COL5A1: variants seen among roughly 807,000 people sequenced by gnomAD.
COL5A1 encodes collagen type V alpha 1 chain.
A neutral mutation model predicts 263.7 loss-of-function variants in COL5A1; 16 were observed. That is an observed-to-expected ratio of 0.06 (90% CI 0.04 to 0.09). COL5A1 has a LOEUF of 0.09. COL5A1 is among the 10% of genes least tolerant of loss of function. The probability of loss-of-function intolerance (pLI) is 1.00; values close to 1 mark genes in which losing one functional copy is unlikely to be tolerated. For synonymous variants in COL5A1, 1,012 were observed against 1,004.5 expected (o/e 1.01, Z -0.14); for missense variants, 2,036 against 2,540.5 (o/e 0.80, Z 4.27).
At chr9:134,795,011 G>T in intron 32 of COL5A1, 71 bp from the exon 33 acceptor site, 1 of 1,541,256 alleles carries the variant, frequency 6.5e-7, no homozygotes, top group Non-Finnish European at 9.0e-7. Flanking sequence ...TCAATAACCC[G>T]GGAGACAGCT....
At chr9:134,666,942 A>G (rs1017262694) in intron 1 of COL5A1, among the ~76,000 whole-genome samples, 1 of 152,184 alleles carries the variant, frequency 6.6e-6, no homozygotes, top group Non-Finnish European at 1.5e-5. Flanking sequence ...CTCCTCGAGG[A>G]TGGGGATGAC....
chr9:134,662,132 A>G (rs1832224866), intron 1 of COL5A1, among the ~76,000 whole-genome samples: 1 of 144,704 alleles, frequency 6.9e-6, no homozygotes, highest in South Asian at 2.2e-4. Context: ...TGCCTGGTCA[A>G]TATCTTGGCC....
chr9:134,822,874 A>G (rs1201650773), intron 59 of COL5A1, 124 bp from the exon 60 acceptor site: 1 of 1,085,412 alleles, frequency 9.2e-7, no homozygotes, highest in Non-Finnish European at 1.4e-6. Flanking sequence ...ACAAGCATAG[A>G]CTCTTGAGGG....
chr9:134,724,819 G>T (rs1476431232), intron 4 of COL5A1, among the ~76,000 whole-genome samples: 2 of 152,150 alleles, frequency 1.3e-5, no homozygotes, highest in Non-Finnish European at 2.9e-5. Flanking sequence ...CTCGGCGGGG[G>T]AGGTGGTGCC....
intron 39 of COL5A1, among the ~76,000 whole-genome samples, 180 bp downstream of exon 39, chr9:134,803,175 G>A (rs928639586): frequency 6.6e-5 from 10 of 152,146 alleles, no homozygotes; most frequent in East Asian, 5.8e-4. Flanking sequence ...TCCAGGAGTC[G>A]CGCTGACCTG....
rs1340192327 is a variant in COL5A1, at chr9:134,794,236, G to C, written c.2701-846G>C. Among the ~76,000 whole-genome samples the C allele has an allele frequency of 6.6e-6, 1 of 151,900 alleles. No individual in the cohort carries two copies. Among genetic ancestry groups the C allele is most frequent in the Non-Finnish European group, 1.5e-5 (1 of 68,008 alleles). ...CTCAGGAGGCTGAGGCAGGAGAATC[G>C]CTTGAACCTGGGAGGCGGAGGTTGC... On this transcript the variant is annotated intron_variant, in intron 32 of 65. Coordinates refer to ENST00000371817, the MANE Select transcript of COL5A1 (RefSeq NM_000093.5). The surrounding 1 kb of genome is among the most constrained non-coding windows in gnomAD (Gnocchi z 4.3).
intron 59 of COL5A1, 82 bp downstream of exon 59, chr9:134,822,232 G>A: frequency 1.6e-6 from 2 of 1,218,314 alleles, no homozygotes; most frequent in Admixed American, 3.6e-5. Context: ...TGTGGAGCTA[G>A]AGAATTGTGG....
intron 13 of COL5A1, among the ~76,000 whole-genome samples, chr9:134,751,263 G>C (rs748567466): frequency 1.3e-5 from 2 of 152,062 alleles, no homozygotes. Flanking sequence ...CATGGGGACT[G>C]TTTGGGGAGT....
intron 35 of COL5A1, 93 bp from the exon 36 acceptor site, chr9:134,796,755 T>A: frequency 8.6e-7 from 1 of 1,164,600 alleles, no homozygotes. Flanking sequence ...AAATGACACC[T>A]GCGTTCAGAG....
intron 28 of COL5A1, among the ~76,000 whole-genome samples, chr9:134,781,179 G>A (rs1253888379): frequency 6.6e-6 from 1 of 152,262 alleles, no homozygotes; most frequent in East Asian, 1.9e-4. Flanking sequence ...CAGAAATGAT[G>A]TGGCAGCAGG....
At chr9:134,718,765 C>T (rs1286863019) in intron 4 of COL5A1, among the ~76,000 whole-genome samples, 1 of 152,162 alleles carries the variant, frequency 6.6e-6, no homozygotes, top group Non-Finnish European at 1.5e-5. Flanking sequence ...GAGCCCCAGT[C>T]AGCCCTCCTC....
Position 134,727,302 on chromosome 9 carries a change from C to T in COL5A1, c.691C>T (p.Arg231Trp), listed in dbSNP as rs775853003. Residue 231 changes from arginine to tryptophan, a missense_variant, in exon 5 of 66, where the codon CGG (arginine) becomes TGG (tryptophan). Physicochemically the swap from Arg to Trp is moderately radical, Grantham distance 101. Transcript: ENST00000371817. ...IQQLLFVSDH[R>W]AAYDYCEHYS... ...GCAGCTGCTCTTTGTCTCGGACCACCGGGCAGCTTATGATTACTGTGAGCA... is the reference window on the plus strand; with the variant it reads ...GCAGCTGCTCTTTGTCTCGGACCACTGGGCAGCTTATGATTACTGTGAGCA... The T allele has an allele frequency of 1.5e-5, 24 of 1,613,888 alleles. No individual in the cohort carries two copies. Among genetic ancestry groups the T allele is most frequent in the South Asian group, 6.6e-5 (6 of 91,068 alleles).
chr9:134,694,298 G>A (rs1564392699), intron 2 of COL5A1, among the ~76,000 whole-genome samples: 1 of 152,222 alleles, frequency 6.6e-6, no homozygotes, highest in Non-Finnish European at 1.5e-5. Context: ...TGCAGTGCCC[G>A]TCCCCGCCCA....
chr9:134,728,848 G>C (rs374402126), intron 6 of COL5A1, 41 bp downstream of exon 6: 5 of 1,613,286 alleles, frequency 3.1e-6, no homozygotes, highest in Non-Finnish European at 4.2e-6. Context: ...TGGGCCCCTC[G>C]AGGCCATGGT....
intron 59 of COL5A1, among the ~76,000 whole-genome samples, chr9:134,822,726 C>T (rs113171199): frequency 2.7e-5 from 4 of 150,628 alleles, no homozygotes; most frequent in South Asian, 4.2e-4. Context: ...CTGCGCCCCC[C>T]CCGCGGCTGT....
intron 53 of COL5A1, among the ~76,000 whole-genome samples, chr9:134,817,335 C>T (rs1270229934): frequency 1.3e-5 from 2 of 152,200 alleles, no homozygotes; most frequent in African/African-American, 2.4e-5. Context: ...AGAAAGACAC[C>T]CGCAAAGCTG....
In COL5A1 at chr9:134,678,900, T is replaced by A. The variant is rs1832753655; in HGVS notation, c.110-12012T>A. Among the ~76,000 whole-genome samples, 1 of 152,158 alleles carries A rather than the reference T, an allele frequency of 6.6e-6. No homozygotes were observed. The highest frequency in any genetic ancestry group is 2.4e-5 in the African/African-American group (1 of 41,440). On this transcript the variant is annotated intron_variant, in intron 1 of 65. Transcript: ENST00000371817. This position sits in a 1 kb window ranked among gnomAD's most constrained non-coding sequence, Gnocchi z 5.5. ...GATCAGGCTGGTTGGTGTTACCCCC[T>A]GCTGGGGGGCAGGCGTTAGATCTGT...
chr9:134,809,073 T>G (rs904296491), intron 42 of COL5A1, 110 bp from the exon 43 acceptor site: 23 of 984,266 alleles, frequency 2.3e-5, no homozygotes, highest in Non-Finnish European at 3.5e-5. Context: ...ACGGTCACCC[T>G]CACCAACTCC....
rs548878590 is a variant in COL5A1 at position 134,758,015 on chromosome 9, G to T, written c.1882-228G>T. Among the ~76,000 whole-genome samples, 5 of 152,348 alleles carry T rather than the reference G, an allele frequency of 3.3e-5. No individual in the cohort carries two copies. The highest frequency in any genetic ancestry group is 2.0e-4 in the Admixed American group (3 of 15,308). ...CGGGGCCTGGGACTTGGGGATGAAA[G>T]TCATCTCCCCCTTTGCAGCCCATGT... On this transcript the variant is annotated intron_variant, in intron 17 of 65. Coordinates refer to ENST00000371817, the MANE Select transcript of COL5A1 (RefSeq NM_000093.5). The surrounding 1 kb of genome is among the most constrained non-coding windows in gnomAD (Gnocchi z 4.1).
Sources: allele counts gnomAD v4.1 joint callset (sites outside exome capture counted in the v4.1 genomes callset), GRCh38; gene constraint gnomAD v4.1.1; non-coding constraint Gnocchi (gnomAD v3.1); transcripts MANE v1.5; gene names NCBI Gene and HGNC (gene_info 2026-07-23, HGNC 2026-07-21).